The following PRTFDC1 variants were observed in gnomAD, a reference collection of about 807,000 sequenced individuals.
The protein encoded by PRTFDC1 is phosphoribosyltransferase domain-containing protein 1.
In PRTFDC1, 38 loss-of-function variants were observed where a neutral mutation model predicts 34.6. The ratio of observed to expected loss-of-function variants is 1.10; its 90% confidence interval spans 0.85 to 1.44. The LOEUF (loss-of-function observed/expected upper bound fraction) is 1.44, where lower values mean the gene tolerates loss of function less well. Ranked by LOEUF, PRTFDC1 falls within the 40% of genes most tolerant of loss-of-function variation. PRTFDC1 has a pLI of 0.00. For missense variants in PRTFDC1, 270 were observed against 283.0 expected, an observed-to-expected ratio of 0.95 and a Z score of 0.33; for synonymous variants, 93 against 98.1, an observed-to-expected ratio of 0.95 and a Z score of 0.31.
intron 4 of PRTFDC1, among the ~76,000 whole-genome samples, chr10:24,861,857 T>C (rs148161940): frequency 6.6e-6 from 1 of 152,164 alleles, no homozygotes; most frequent in Non-Finnish European, 1.5e-5. Context: ...CCCTGTAACC[T>C]TGAACTTCTG....
intron 3 of PRTFDC1, among the ~76,000 whole-genome samples, chr10:24,919,035 T>G (rs1848740741): frequency 6.6e-6 from 1 of 152,136 alleles, no homozygotes; most frequent in Non-Finnish European, 1.5e-5. Flanking sequence ...ATAAATTACT[T>G]TACTTATCAG....
chr10:24,867,240 C>T (rs891748513), intron 4 of PRTFDC1, among the ~76,000 whole-genome samples: 1 of 151,718 alleles, frequency 6.6e-6, no homozygotes, highest in Non-Finnish European at 1.5e-5. Flanking sequence ...TTTAAAAAAT[C>T]CTTTCTAGCC....
In PRTFDC1 at chr10:24,871,967, A is replaced by G. The variant is rs1311685656; in HGVS notation, c.405+31T>C. ...AGGTCACCGATGCCCCCAGACCTCAATGCGGTCTGAGCACAGTTACATGAA... is the reference window on the plus strand; with the variant it reads ...AGGTCACCGATGCCCCCAGACCTCAGTGCGGTCTGAGCACAGTTACATGAA... On this transcript the variant is annotated intron_variant, in intron 4 of 8. Coordinates refer to ENST00000320152, the MANE Select transcript of PRTFDC1 (RefSeq NM_020200.7). 3.2e-6 allele frequency: 5 copies of G among 1,568,728 alleles called. No individual in the cohort carries two copies. The East Asian group carries it at 6.7e-5, about 21-fold the overall frequency.
intron 3 of PRTFDC1, among the ~76,000 whole-genome samples, chr10:24,912,866 C>T (rs1409234112): frequency 6.6e-6 from 1 of 152,082 alleles, no homozygotes; most frequent in African/African-American, 2.4e-5. Flanking sequence ...CTTGCTTCTA[C>T]CTCCCATCCT....
rs79678206 is a variant in PRTFDC1 at position 24,912,449 on chromosome 10, C to T, written c.339+24735G>A. On this transcript the variant is annotated intron_variant, in intron 3 of 8. Transcript: ENST00000320152. ...TTATAGGCATCCTCTGGGTGTGAGG[C>T]GGTATCTCTTTGTGGTTTGATTTGT... 7.1e-3 allele frequency among the ~76,000 whole-genome samples: 1,068 copies of T among 151,420 alleles called. 15 individuals are homozygous for T. The highest frequency in any genetic ancestry group is 0.025 in the African/African-American group (1,013 of 41,264).
At chr10:24,951,045 C>T (rs750748262) in intron 1 of PRTFDC1, among the ~76,000 whole-genome samples, 1 of 152,170 alleles carries the variant, frequency 6.6e-6, no homozygotes, top group Non-Finnish European at 1.5e-5. Flanking sequence ...CTTGCCCCTC[C>T]TCCTGGGGCA....
chr10:24,908,128 G>T (rs1200924628), intron 3 of PRTFDC1, among the ~76,000 whole-genome samples: 1 of 130,538 alleles, frequency 7.7e-6, no homozygotes, highest in Non-Finnish European at 1.7e-5. Context: ...TTTATAGTAA[G>T]TTTCACTGAG....
chr10:24,903,707 C>CTTTTTTTT (rs112008221), intron 3 of PRTFDC1, among the ~76,000 whole-genome samples: 5 of 142,634 alleles, frequency 3.5e-5, no homozygotes, highest in East Asian at 2.0e-4. Context: ...AAGTTGTATT[C>CTTTTTTTT]TTTTTTTTTT....
At chr10:24,915,576 C>A (rs1385842787) in intron 3 of PRTFDC1, among the ~76,000 whole-genome samples, 1 of 152,208 alleles carries the variant, frequency 6.6e-6, no homozygotes, top group Non-Finnish European at 1.5e-5. Context: ...TTGGCTGAAC[C>A]TGACTGGTTC....
chr10:24,868,256 T>TAA (rs200016788), intron 4 of PRTFDC1: 1 of 152,130 alleles, frequency 6.6e-6, no homozygotes, highest in African/African-American at 2.4e-5. Context: ...CTATTCCAGG[T>TAA]AAAAGCTCAC....
intron 3 of PRTFDC1, among the ~76,000 whole-genome samples, chr10:24,883,751 C>A (rs1014259164): frequency 3.3e-5 from 5 of 151,352 alleles, no homozygotes; most frequent in African/African-American, 7.3e-5. Context: ...TCCCCAAAGA[C>A]TCCAGCAAAG....
chr10:24,908,651 T>C, intron 3 of PRTFDC1: 1 of 1,611,108 alleles, frequency 6.2e-7, no homozygotes, highest in East Asian at 2.2e-5. Flanking sequence ...TCCTCCTCTA[T>C]CACAGATGGT....
chr10:24,931,701 T>C (rs1467441752), intron 3 of PRTFDC1, among the ~76,000 whole-genome samples: 1 of 151,936 alleles, frequency 6.6e-6, no homozygotes, highest in East Asian at 1.9e-4. Flanking sequence ...CCATATCTAC[T>C]AAATAAACTT....
intron 8 of PRTFDC1, 87 bp downstream of exon 8, chr10:24,851,301 C>A: frequency 6.6e-7 from 1 of 1,522,062 alleles, no homozygotes. Context: ...CAATCAATAG[C>A]AGACATCACT....
chr10:24,893,362 C>T (rs1008583530), intron 3 of PRTFDC1, among the ~76,000 whole-genome samples: 74 of 152,134 alleles, frequency 4.9e-4, no homozygotes, highest in Middle Eastern at 3.2e-3. Context: ...AATCATAGCA[C>T]ATTGCAGCCT....
rs78357420 is a variant in PRTFDC1 at position 24,908,612 on chromosome 10, C to T, written c.339+28572G>A. The T allele has an allele frequency of 3.8e-3, 6,144 of 1,612,686 alleles. 199 individuals are homozygous for T. The East Asian group carries it at 0.089, about 23-fold the overall frequency. ...TGGAGATTCTTGCAGGGGAGCACAGCTACTCATATACCCTTGACTGAAGGC... is the reference window on the plus strand; with the variant it reads ...TGGAGATTCTTGCAGGGGAGCACAGTTACTCATATACCCTTGACTGAAGGC... On this transcript the variant is annotated intron_variant, in intron 3 of 8. Coordinates refer to ENST00000320152, the MANE Select transcript of PRTFDC1 (RefSeq NM_020200.7).
At chr10:24,896,354 A>T (rs1848363586) in intron 3 of PRTFDC1, among the ~76,000 whole-genome samples, 1 of 152,180 alleles carries the variant, frequency 6.6e-6, no homozygotes, top group South Asian at 2.1e-4. Context: ...GAAGAGTTTC[A>T]TCTGGAAACC....
chr10:24,881,706 A>G (rs575574310), intron 3 of PRTFDC1, among the ~76,000 whole-genome samples: 41 of 152,312 alleles, frequency 2.7e-4, no homozygotes, highest in African/African-American at 9.9e-4. Flanking sequence ...GGAAAAGTCA[A>G]TATTCCACAA....
intron 3 of PRTFDC1, among the ~76,000 whole-genome samples, chr10:24,904,960 T>A (rs1848508825): frequency 6.6e-6 from 1 of 152,208 alleles, no homozygotes; most frequent in African/African-American, 2.4e-5. Flanking sequence ...CCTAATGTCC[T>A]GCTGGAAGTC....
Sources: allele counts gnomAD v4.1 joint callset (sites outside exome capture counted in the v4.1 genomes callset), GRCh38; gene constraint gnomAD v4.1.1; transcripts MANE v1.5; gene names NCBI Gene and HGNC (gene_info 2026-07-23, HGNC 2026-07-21).